Variants in MGAT4C observed in about 807,000 individuals in gnomAD.
MGAT4C encodes MGAT4 family member C, also known as alpha-1,3-mannosyl-glycoprotein 4-beta-N-acetylglucosaminyltransferase C.
In MGAT4C, 19 loss-of-function variants were observed where a neutral mutation model predicts 40.1. The ratio of observed to expected loss-of-function variants is 0.47; its 90% CI spans 0.33 to 0.70. The LOEUF is 0.70. MGAT4C is among the 30% of genes least tolerant of loss of function. The pLI is 0.02. For synonymous variants in MGAT4C, 181 were observed against 187.1 expected (o/e 0.97, Z 0.27); for missense variants, 491 against 563.2 (o/e 0.87, Z 1.30).
At chr12:86,720,706 G>A (rs1024426212) in intron 2 of MGAT4C, among the ~76,000 whole-genome samples, 2 of 152,118 alleles carry the variant, frequency 1.3e-5, no homozygotes, top group Admixed American at 6.6e-5. Context: ...GCACTCATAA[G>A]TTAGTTGAAG....
At chr12:86,724,117 A>C (rs1249746850) in intron 2 of MGAT4C, among the ~76,000 whole-genome samples, 1 of 152,188 alleles carries the variant, frequency 6.6e-6, no homozygotes, top group Non-Finnish European at 1.5e-5. Flanking sequence ...CATAGATTTT[A>C]CCATATATAT....
chr12:86,128,884 T>C (rs557928038), intron 1 of MGAT4C, among the ~76,000 whole-genome samples: 35 of 152,190 alleles, frequency 2.3e-4, no homozygotes, highest in Non-Finnish European at 4.1e-4. Context: ...TTCATTCTCC[T>C]ACATGTGGCT....
intron 2 of MGAT4C, among the ~76,000 whole-genome samples, chr12:86,038,095 TCAAA>T (rs1565893399): frequency 6.7e-6 from 1 of 149,588 alleles, no homozygotes; most frequent in Non-Finnish European, 1.5e-5. Flanking sequence ...TTATTGGTGA[TCAAA>T]CAAAGAAATA....
intron 1 of MGAT4C, among the ~76,000 whole-genome samples, chr12:86,069,009 G>A (rs1245811886): frequency 6.6e-6 from 1 of 152,096 alleles, no homozygotes; most frequent in Non-Finnish European, 1.5e-5. Context: ...GTCATTAATA[G>A]TTTGTTAAAA....
chr12:86,185,926 C>A (rs1333642110), intron 1 of MGAT4C, among the ~76,000 whole-genome samples: 1 of 151,598 alleles, frequency 6.6e-6, no homozygotes. Flanking sequence ...CTCCCCACCC[C>A]AGAAAAAAAA....
intron 2 of MGAT4C, among the ~76,000 whole-genome samples, chr12:86,633,079 T>C (rs1420625165): frequency 6.6e-6 from 1 of 151,746 alleles, no homozygotes. Context: ...GGATAATGTG[T>C]ATATTATAGA....
intron 2 of MGAT4C, among the ~76,000 whole-genome samples, chr12:86,680,268 A>G (rs1949956647): frequency 6.6e-6 from 1 of 152,048 alleles, no homozygotes; most frequent in Non-Finnish European, 1.5e-5. Context: ...AGGTGGTTGA[A>G]TTATAGTATG....
chr12:86,236,527 T>A (rs547338958), intron 1 of MGAT4C, among the ~76,000 whole-genome samples: 1 of 152,018 alleles, frequency 6.6e-6, no homozygotes, highest in East Asian at 1.9e-4. Flanking sequence ...GAAGTATAAA[T>A]GGATGACAAG....
intron 4 of MGAT4C, among the ~76,000 whole-genome samples, chr12:86,329,175 A>C (rs1417129800): frequency 6.6e-6 from 1 of 151,894 alleles, no homozygotes; most frequent in East Asian, 1.9e-4. Context: ...AATGGTAAAA[A>C]TAATCTTGAA....
intron 1 of MGAT4C, among the ~76,000 whole-genome samples, chr12:86,199,302 G>T (rs1308551457): frequency 6.6e-6 from 1 of 152,122 alleles, no homozygotes; most frequent in African/African-American, 2.4e-5. Context: ...GCAGTGAGTG[G>T]AGGCAGAGAC....
At chr12:86,352,976 C>T (rs1451730054) in intron 3 of MGAT4C, among the ~76,000 whole-genome samples, 1 of 150,414 alleles carries the variant, frequency 6.6e-6, no homozygotes, top group Non-Finnish European at 1.5e-5. Context: ...ATGTAACAAA[C>T]CTGCACATTG....
intron 1 of MGAT4C, among the ~76,000 whole-genome samples, chr12:86,051,869 G>GTT (rs1892929920): frequency 6.6e-6 from 1 of 151,414 alleles, no homozygotes; most frequent in Non-Finnish European, 1.5e-5. Context: ...AAAATGGTTA[G>GTT]TTTTTTGTAC....
At chr12:86,470,352 T>A (rs566950082) in intron 2 of MGAT4C, among the ~76,000 whole-genome samples, 5 of 152,180 alleles carry the variant, frequency 3.3e-5, no homozygotes, top group Admixed American at 3.3e-4. Flanking sequence ...AATGAAAATA[T>A]GAGGACTGAA....
At chr12:86,021,655 G>C (rs1889744946) in intron 2 of MGAT4C, among the ~76,000 whole-genome samples, 1 of 151,694 alleles carries the variant, frequency 6.6e-6, no homozygotes, top group Non-Finnish European at 1.5e-5. Flanking sequence ...GAATTAATGT[G>C]TGTAGCACAC....
chr12:86,049,490 T>C (rs1409935735), intron 2 of MGAT4C, among the ~76,000 whole-genome samples, 184 bp downstream of exon 2: 2 of 152,112 alleles, frequency 1.3e-5, no homozygotes, highest in Non-Finnish European at 2.9e-5. Context: ...GTTCAAGAAA[T>C]GTTGTTAAGA....
intron 2 of MGAT4C, among the ~76,000 whole-genome samples, chr12:86,590,003 T>A (rs563670871): frequency 6.6e-6 from 1 of 151,856 alleles, no homozygotes; most frequent in South Asian, 2.1e-4. Context: ...TCTAGAAGCA[T>A]AAAATTAAGT....
At position 86,698,277 on chromosome 12, in the gene MGAT4C, C is replaced by T. The variant is rs149708638; in HGVS notation, c.-229+28932G>A. Among the ~76,000 whole-genome samples the T allele has an allele frequency of 3.5e-3, 536 of 151,040 alleles. 5 individuals carry two copies. The highest frequency in any genetic ancestry group is 0.012 in the African/African-American group (515 of 41,364). On this transcript the variant is annotated intron_variant, in intron 2 of 7. Coordinates refer to the MGAT4C transcript ENST00000548651. ...CACCAAAAAATCCTAAATAAATGAC[C>T]AATATACAAGTAAAAAATACTCAGC...
chr12:86,251,339 C>T (rs1952270157), intron 1 of MGAT4C, among the ~76,000 whole-genome samples: 1 of 151,986 alleles, frequency 6.6e-6, no homozygotes, highest in South Asian at 2.1e-4. Flanking sequence ...TGAATGTATC[C>T]TTTAACTTAT....
chr12:86,241,896 A>C (rs1951804144), intron 1 of MGAT4C, among the ~76,000 whole-genome samples: 3 of 152,014 alleles, frequency 2.0e-5, no homozygotes, highest in Admixed American at 2.0e-4. Context: ...ACTCTTCCTG[A>C]GCCTTGCCTG....
Sources: allele counts gnomAD v4.1 joint callset (sites outside exome capture counted in the v4.1 genomes callset), GRCh38; gene constraint gnomAD v4.1.1; transcripts MANE v1.5; gene names NCBI Gene and HGNC (gene_info 2026-07-23, HGNC 2026-07-21).